CDC42BPA: variants seen among roughly 807,000 people sequenced by gnomAD.
CDC42BPA encodes the protein CDC42 binding protein kinase alpha.
CDC42BPA carries 80 observed loss-of-function variants against 223.5 expected under a neutral mutation model. The observed-to-expected ratio is 0.36, with a 90% CI of 0.30 to 0.43. CDC42BPA has a LOEUF of 0.43. Among genes scored for constraint, CDC42BPA ranks in the 20% least tolerant of loss-of-function variants. The pLI is 1.00. For missense variants in CDC42BPA, 1,743 were observed against 2,099.9 expected (o/e 0.83, Z 3.32); for synonymous variants, 694 against 718.6 (o/e 0.97, Z 0.55).
At chr1:227,300,136 C>T (rs1166464235) in intron 1 of CDC42BPA, among the ~76,000 whole-genome samples, 1 of 152,082 alleles carries the variant, frequency 6.6e-6, no homozygotes, top group African/African-American at 2.4e-5. Context: ...TAATATAAGG[C>T]ACCTCTCATT....
chr1:227,134,972 CTT>C (rs1436120065), intron 10 of CDC42BPA, among the ~76,000 whole-genome samples: 1 of 152,158 alleles, frequency 6.6e-6, no homozygotes, highest in Non-Finnish European at 1.5e-5. Flanking sequence ...TTAAAAACAT[CTT>C]TGGTTTATTT....
At chr1:227,091,316 G>A (rs1472032551) in intron 16 of CDC42BPA, among the ~76,000 whole-genome samples, 1 of 152,178 alleles carries the variant, frequency 6.6e-6, no homozygotes, top group East Asian at 1.9e-4. Flanking sequence ...GGGGCCTGGG[G>A]GGAGGTGACT....
At chr1:227,155,528 C>G (rs574994950) in intron 6 of CDC42BPA, among the ~76,000 whole-genome samples, 1 of 152,088 alleles carries the variant, frequency 6.6e-6, no homozygotes. Context: ...AGTACCTATG[C>G]AGTAGGTCTC....
chr1:227,179,552 C>A (rs377565922), intron 5 of CDC42BPA, among the ~76,000 whole-genome samples: 1 of 138,922 alleles, frequency 7.2e-6, no homozygotes, highest in Non-Finnish European at 1.5e-5. Context: ...AGGAGAATGG[C>A]GTCAACCCGG....
At chr1:227,092,023 G>C (rs371026184) in intron 15 of CDC42BPA, 32 bp from the exon 16 acceptor site, 44 of 1,167,000 alleles carry the variant, frequency 3.8e-5, no homozygotes, top group Non-Finnish European at 5.2e-5. Flanking sequence ...AAGGAAAAAG[G>C]GGAATTAAAG....
Position 226,991,991 on chromosome 1 carries a change from TGAG to T in CDC42BPA, c.*2274_*2276del, listed in dbSNP as rs1398998692. 2.6e-5 allele frequency: 1 copy of T among 38,674 alleles called. No individual in the cohort carries two copies. Among genetic ancestry groups the T allele is most frequent in the Non-Finnish European group, 4.9e-5 (1 of 20,332 alleles). 2.4% of individuals were successfully genotyped at this position (38,674 alleles called of 1,614,324 possible). A position where few individuals can be genotyped will look rare whatever the true frequency, so the allele number is the denominator to read the frequency against. ...GTGGGGATGGGGAGGGTGGGAAGAG[TGAG>T]GAGGAGAGGAGGGGAGGGTGGGGAG... On this transcript the variant is annotated 3_prime_UTR_variant, in exon 37 of 37. Coordinates refer to ENST00000366766, the MANE Select transcript of CDC42BPA (RefSeq NM_001394014.1).
chr1:227,256,940 TATATACAGACACAC>T (rs1468807452), intron 1 of CDC42BPA, among the ~76,000 whole-genome samples: 2 of 117,528 alleles, frequency 1.7e-5, no homozygotes, highest in Non-Finnish European at 3.5e-5. Context: ...ATGTGATATA[TATATACAGACACAC>T]ACACACACAC....
rs1450692020 is a variant in CDC42BPA at position 227,248,914 on chromosome 1, T to A, written c.270+5150A>T. 2.6e-5 allele frequency among the ~76,000 whole-genome samples: 4 copies of A among 152,260 alleles called. No individual in the cohort carries two copies. The East Asian group carries it at 5.8e-4, about 22-fold the overall frequency. ...CTGTCAAAGTATTAATGACATTCTT[T>A]CACAGAAATAGAAAAAATAATCCTA... On this transcript the variant is annotated intron_variant, in intron 2 of 36. Coordinates refer to ENST00000366766, the MANE Select transcript of CDC42BPA (RefSeq NM_001394014.1).
At chr1:227,235,296 T>C (rs1678799319) in intron 2 of CDC42BPA, 1 of 152,162 alleles carries the variant, frequency 6.6e-6, no homozygotes, top group African/African-American at 2.4e-5. Context: ...AAGGCCACTA[T>C]GGAATCAAAT....
At chr1:227,037,408 C>T (rs1397924599) in intron 24 of CDC42BPA, among the ~76,000 whole-genome samples, 1 of 152,238 alleles carries the variant, frequency 6.6e-6, no homozygotes, top group Non-Finnish European at 1.5e-5. Context: ...TCTTAAATCT[C>T]TGCTTTCTTA....
intron 31 of CDC42BPA, among the ~76,000 whole-genome samples, 164 bp downstream of exon 31, chr1:227,025,891 C>A (rs1025842978): frequency 6.6e-6 from 1 of 151,886 alleles, no homozygotes; most frequent in African/African-American, 2.4e-5. Context: ...AGGAAATTAA[C>A]CAACTTTATT....
In CDC42BPA at chr1:227,091,928, C is replaced by T. The variant is rs746745706; in HGVS notation, c.2313G>A (p.Leu771=). Residue 771 remains leucine, a synonymous_variant, in exon 16 of 37, where the codon TTG becomes TTA. Transcript: ENST00000366766. The part of the protein sequence containing the change: ...FKQQYEREKV[L]LTEENKKLTS... ...TCAGCTTTTTATTTTCTTCAGTTAA[C>T]AACACTTTTTCTCGTTCATATTGTT... 6.2e-7 allele frequency: 1 copy of T among 1,608,634 alleles called. No homozygotes were observed. The highest frequency in any genetic ancestry group is 8.5e-7 in the Non-Finnish European group (1 of 1,177,846).
chr1:227,256,914 T>C (rs1683126965), intron 1 of CDC42BPA, among the ~76,000 whole-genome samples: 1 of 138,114 alleles, frequency 7.2e-6, no homozygotes, highest in Admixed American at 7.3e-5. Flanking sequence ...CATCAAGAGA[T>C]GAACAGATAA....
At chr1:227,025,211 C>G (rs768619220) in intron 31 of CDC42BPA, among the ~76,000 whole-genome samples, 1 of 152,068 alleles carries the variant, frequency 6.6e-6, no homozygotes, top group African/African-American at 2.4e-5. Context: ...TCACTGCACT[C>G]CAGGTTGGAT....
At chr1:227,224,451 C>T (rs901880890) in intron 2 of CDC42BPA, among the ~76,000 whole-genome samples, 1 of 151,970 alleles carries the variant, frequency 6.6e-6, no homozygotes, top group African/African-American at 2.4e-5. Flanking sequence ...AGGCTGGTCT[C>T]GAACTCCTGA....
At chr1:227,087,170 G>T (rs1179140630) in intron 16 of CDC42BPA, among the ~76,000 whole-genome samples, 1 of 151,994 alleles carries the variant, frequency 6.6e-6, no homozygotes, top group African/African-American at 2.4e-5. Flanking sequence ...GAATCACAAA[G>T]ACTTTCTCCT....
At chr1:227,073,087 A>G (rs1678747731) in intron 19 of CDC42BPA, among the ~76,000 whole-genome samples, 1 of 152,178 alleles carries the variant, frequency 6.6e-6, no homozygotes, top group Non-Finnish European at 1.5e-5. Flanking sequence ...CTATGACTAC[A>G]CACCATTAAA....
chr1:227,268,586 A>G (rs9726121), intron 1 of CDC42BPA, among the ~76,000 whole-genome samples: 30,026 of 145,238 alleles, frequency 0.21, 3,139 homozygotes, highest in Middle Eastern at 0.27. Context: ...GTATATATAT[A>G]TGTGTATATA....
At chr1:227,031,938 GA>G (rs1403839360) in intron 27 of CDC42BPA, among the ~76,000 whole-genome samples, 1 of 151,970 alleles carries the variant, frequency 6.6e-6, no homozygotes, top group Non-Finnish European at 1.5e-5. Flanking sequence ...TTTTATATAT[GA>G]AAAAAATGGT....
Sources: allele counts gnomAD v4.1 joint callset (sites outside exome capture counted in the v4.1 genomes callset), GRCh38; gene constraint gnomAD v4.1.1; transcripts MANE v1.5; gene names NCBI Gene and HGNC (gene_info 2026-07-23, HGNC 2026-07-21).